Variants in GPSM2 observed in about 807,000 individuals in gnomAD.
GPSM2 encodes the protein G protein-signaling modulator 2.
GPSM2 carries 58 observed loss-of-function variants against 78.4 expected under a neutral mutation model. The observed-to-expected ratio is 0.74, with a 90% confidence interval of 0.60 to 0.92. The LOEUF (loss-of-function observed/expected upper bound fraction) is 0.92. Among genes scored for constraint, GPSM2 ranks in the 40% least tolerant of loss-of-function variants. The pLI is 0.00. For missense variants in GPSM2, 700 were observed against 815.5 expected (o/e 0.86, Z 1.73); for synonymous variants, 224 against 280.2 (o/e 0.80, Z 2.00).
At chr1:108,890,656 C>T (rs1647901481) in intron 2 of GPSM2, among the ~76,000 whole-genome samples, 1 of 152,138 alleles carries the variant, frequency 6.6e-6, no homozygotes, top group South Asian at 2.1e-4. Flanking sequence ...AGTTATTCTT[C>T]TGCTATAGTA....
intron 1 of GPSM2, among the ~76,000 whole-genome samples, chr1:108,880,109 T>G (rs922360572): frequency 6.2e-4 from 95 of 152,356 alleles, no homozygotes; most frequent in South Asian, 4.1e-4. Context: ...GTTAGAATTA[T>G]TATTCCCATA....
At chr1:108,917,611 C>CACACACACATAT (rs1312607573) in intron 11 of GPSM2, among the ~76,000 whole-genome samples, 2 of 22,726 alleles carry the variant, frequency 8.8e-5, no homozygotes, top group African/African-American at 1.8e-4. Context: ...CACACACACA[C>CACACACACATAT]ATATATATAT....
chr1:108,882,457 G>A (rs1317676828), intron 1 of GPSM2: 1 of 152,102 alleles, frequency 6.6e-6, no homozygotes, highest in East Asian at 1.9e-4. Context: ...GTAAATAGTT[G>A]TTATATGGTA....
intron 9 of GPSM2, among the ~76,000 whole-genome samples, 199 bp downstream of exon 9, chr1:108,903,433 G>A (rs1648976233): frequency 6.6e-6 from 1 of 152,168 alleles, no homozygotes; most frequent in African/African-American, 2.4e-5. Context: ...CATGTAGGAA[G>A]ACAGGAAAGT....
At chr1:108,924,802 C>T (rs1651002487) in intron 14 of GPSM2, among the ~76,000 whole-genome samples, 1 of 152,042 alleles carries the variant, frequency 6.6e-6, no homozygotes, top group South Asian at 2.1e-4. Context: ...GAGAAGTAAT[C>T]AGGGCCTAGA....
At position 108,931,438 on chromosome 1, in the gene GPSM2, A is replaced by G. The variant is rs973737893; in HGVS notation, c.*1498A>G. 5 of 1,550,966 alleles carry G rather than the reference A, an allele frequency of 3.2e-6. No individual in the cohort carries two copies. The South Asian group carries it at 5.9e-5, about 18-fold the overall frequency. ...ACAGACTGCAAAGGCCCACGCTTGG[A>G]ACAAGTTGCCAACTTGTTTCACTCT... is the stretch of plus-strand genomic sequence containing the variant. On this transcript the variant is annotated 3_prime_UTR_variant, in exon 15 of 15. Coordinates refer to ENST00000264126, the MANE Select transcript of GPSM2 (RefSeq NM_013296.5).
At chr1:108,894,866 A>C (rs1440237518) in intron 2 of GPSM2, among the ~76,000 whole-genome samples, 1 of 152,120 alleles carries the variant, frequency 6.6e-6, no homozygotes, top group Non-Finnish European at 1.5e-5. Flanking sequence ...CAATTGGCTC[A>C]GTTTATCTTT....
intron 10 of GPSM2, among the ~76,000 whole-genome samples, chr1:108,912,174 A>G (rs79830559): frequency 0.013 from 2,041 of 152,266 alleles, 19 homozygotes; most frequent in Non-Finnish European, 0.023. Context: ...TGCCAAACAC[A>G]TCACAATTAT....
chr1:108,882,837 GAA>G (rs1203662799), intron 1 of GPSM2, among the ~76,000 whole-genome samples: 8 of 152,166 alleles, frequency 5.3e-5, no homozygotes, highest in Non-Finnish European at 7.3e-5. Flanking sequence ...TGAACAAAAG[GAA>G]AAGAGATTTG....
chr1:108,890,877 A>G (rs1294553911), intron 2 of GPSM2, among the ~76,000 whole-genome samples: 2 of 151,760 alleles, frequency 1.3e-5, no homozygotes, highest in East Asian at 3.8e-4. Context: ...GTACAATTTA[A>G]GTTAAAAAAA....
chr1:108,919,476 A>G (rs1288147168), intron 12 of GPSM2, among the ~76,000 whole-genome samples: 1 of 152,240 alleles, frequency 6.6e-6, no homozygotes, highest in Non-Finnish European at 1.5e-5. Flanking sequence ...GTCTGTTAGC[A>G]TCTACTTGTA....
intron 2 of GPSM2, among the ~76,000 whole-genome samples, chr1:108,896,629 A>G (rs1176049100): frequency 2.0e-5 from 3 of 152,196 alleles, no homozygotes; most frequent in African/African-American, 7.2e-5. Flanking sequence ...AGCTCCACAT[A>G]AAGATATTTA....
chr1:108,925,946 TGA>T (rs1651086109), intron 14 of GPSM2, among the ~76,000 whole-genome samples: 4 of 151,498 alleles, frequency 2.6e-5, no homozygotes, highest in African/African-American at 9.7e-5. Flanking sequence ...TTTGTGTAGG[TGA>T]GAGAGGGAAA....
At chr1:108,923,835 C>T (rs1366820954) in intron 13 of GPSM2, among the ~76,000 whole-genome samples, 165 bp from the exon 14 acceptor site, 2 of 152,218 alleles carry the variant, frequency 1.3e-5, no homozygotes, top group African/African-American at 4.8e-5. Context: ...AAACCACACC[C>T]ATCTAGCCAA....
At position 108,933,925 on chromosome 1, in the gene GPSM2, G is replaced by A. The variant is rs138815989; in HGVS notation, c.*3985G>A. On this transcript the variant is annotated 3_prime_UTR_variant, in exon 15 of 15. Transcript: ENST00000264126. ...AATATCTAATAGTCTCCACTGCTAG[G>A]ATTCTGAGTAACACAAAAAATAGGT... 2 of 152,280 alleles carry A rather than the reference G, an allele frequency of 1.3e-5. No homozygotes were observed. Among genetic ancestry groups the A allele is most frequent in the East Asian group, 3.9e-4 (2 of 5,190 alleles). The allele number at this position is 152,280 out of a possible 1,614,324, so 9.4% of individuals were successfully genotyped here. A position where few individuals can be genotyped will look rare whatever the true frequency, so the allele number is the denominator to read the frequency against.
chr1:108,889,679 T>C (rs1158365872), intron 2 of GPSM2, among the ~76,000 whole-genome samples: 1 of 152,204 alleles, frequency 6.6e-6, no homozygotes, highest in Non-Finnish European at 1.5e-5. Flanking sequence ...GCCATAGCTA[T>C]AATTGAGATC....
At chr1:108,893,621 A>G (rs746512859) in intron 2 of GPSM2, among the ~76,000 whole-genome samples, 7 of 152,244 alleles carry the variant, frequency 4.6e-5, no homozygotes, top group Non-Finnish European at 1.5e-5. Flanking sequence ...AACTTTTTGT[A>G]GGAAAAGAAT....
intron 11 of GPSM2, among the ~76,000 whole-genome samples, chr1:108,914,758 A>G (rs1324349534): frequency 6.6e-6 from 1 of 152,236 alleles, no homozygotes; most frequent in Non-Finnish European, 1.5e-5. Flanking sequence ...ATCATTTACT[A>G]TGCAAATGTA....
rs1262606788 is a variant in GPSM2, at chr1:108,931,049, C to T, written c.*1109C>T. 1.7e-5 allele frequency: 4 copies of T among 242,084 alleles called. No individual in the cohort carries two copies. Among genetic ancestry groups the T allele is most frequent in the Admixed American group, 1.6e-4 (3 of 19,328 alleles). The allele number at this position is 242,084 out of a possible 1,614,324, so 15.0% of individuals were successfully genotyped here. A position where few individuals can be genotyped will look rare whatever the true frequency, so the allele number is the denominator to read the frequency against. ...CCTGGGTGACAGAGCAAGACCCTGT[C>T]TCTAGAAAACAAGTATCTTTTGTGT... is the stretch of plus-strand genomic sequence containing the variant. On this transcript the variant is annotated 3_prime_UTR_variant, in exon 15 of 15. Transcript: ENST00000264126.
Sources: allele counts gnomAD v4.1 joint callset (sites outside exome capture counted in the v4.1 genomes callset), GRCh38; gene constraint gnomAD v4.1.1; transcripts MANE v1.5; gene names NCBI Gene and HGNC (gene_info 2026-07-23, HGNC 2026-07-21).